Variants in DENND1B observed in about 807,000 individuals in gnomAD.
The protein encoded by DENND1B is DENN domain-containing protein 1B.
DENND1B carries 59 observed loss-of-function variants against 90.1 expected under a neutral mutation model. The ratio of observed to expected loss-of-function variants is 0.65; its 90% CI spans 0.53 to 0.81. DENND1B has a LOEUF of 0.81. Among genes scored for constraint, DENND1B ranks in the 40% least tolerant of loss-of-function variants. The pLI, the probability that DENND1B is intolerant of heterozygous loss-of-function variation, is 0.00. For synonymous variants in DENND1B, 337 were observed against 324.6 expected (o/e 1.04, Z -0.41); for missense variants, 862 against 912.6 (o/e 0.94, Z 0.71).
chr1:197,665,812 A>T (rs984241974), intron 5 of DENND1B, among the ~76,000 whole-genome samples: 2 of 152,108 alleles, frequency 1.3e-5, no homozygotes, highest in Non-Finnish European at 2.9e-5. Flanking sequence ...AAATGAGAAG[A>T]TTTTTATGAA....
intron 3 of DENND1B, among the ~76,000 whole-genome samples, chr1:197,707,827 T>C (rs1264485486): frequency 2.7e-5 from 4 of 147,376 alleles, no homozygotes; most frequent in Non-Finnish European, 6.0e-5. Context: ...CGGGTTCATC[T>C]CACTAGGGAG....
intron 2 of DENND1B, among the ~76,000 whole-genome samples, chr1:197,722,261 G>A (rs1233390794): frequency 1.3e-5 from 2 of 152,004 alleles, no homozygotes; most frequent in Admixed American, 6.5e-5. Flanking sequence ...TGTATTTTCT[G>A]AATGAGAAAG....
chr1:197,558,261 C>A (rs1671873127), intron 15 of DENND1B, among the ~76,000 whole-genome samples: 1 of 151,374 alleles, frequency 6.6e-6, no homozygotes, highest in East Asian at 1.9e-4. Flanking sequence ...AATAACATAA[C>A]TGGAAATCTT....
At chr1:197,707,545 C>G (rs1254451613) in intron 3 of DENND1B, among the ~76,000 whole-genome samples, 1 of 148,328 alleles carries the variant, frequency 6.7e-6, no homozygotes, top group East Asian at 1.9e-4. Flanking sequence ...ATATCTATAT[C>G]ATTATCACCC....
At chr1:197,684,652 G>A (rs1255339685) in intron 3 of DENND1B, among the ~76,000 whole-genome samples, 1 of 151,868 alleles carries the variant, frequency 6.6e-6, no homozygotes, top group Non-Finnish European at 1.5e-5. Context: ...ATTATACCGT[G>A]AGGCCAAAAA....
intron 18 of DENND1B, among the ~76,000 whole-genome samples, chr1:197,543,860 C>T (rs1030037164): frequency 4.8e-4 from 73 of 152,104 alleles, no homozygotes; most frequent in African/African-American, 1.7e-3. Context: ...AATTTTAACT[C>T]AAGGAATAAC....
chr1:197,730,032 G>A (rs939680159), intron 2 of DENND1B, among the ~76,000 whole-genome samples: 2 of 151,634 alleles, frequency 1.3e-5, no homozygotes, highest in South Asian at 2.1e-4. Flanking sequence ...CCAGGGAACC[G>A]CCACAGACCC....
rs1247339227 is a variant in DENND1B, at chr1:197,543,184, C to T, written c.1351-2169G>A. 2.0e-5 allele frequency among the ~76,000 whole-genome samples: 3 copies of T among 152,148 alleles called. No homozygotes were observed. In the East Asian group the frequency reaches 5.8e-4, roughly 29 times the overall value. ...TCCTGACCTCAAGCGATCCACCTGC[C>T]TTGGCTTCCCAGGTGCTGGGATTAC... On this transcript the variant is annotated intron_variant, in intron 18 of 22. Coordinates refer to ENST00000620048, the MANE Select transcript of DENND1B (RefSeq NM_001195215.2).
intron 22 of DENND1B, among the ~76,000 whole-genome samples, chr1:197,511,347 G>T (rs560402809): frequency 3.6e-4 from 54 of 151,672 alleles, no homozygotes; most frequent in Non-Finnish European, 6.9e-4. Context: ...TTTTGGGTAA[G>T]AAAAATGATT....
At chr1:197,729,143 T>C (rs921230736) in intron 2 of DENND1B, among the ~76,000 whole-genome samples, 6 of 152,152 alleles carry the variant, frequency 3.9e-5, no homozygotes, top group African/African-American at 1.4e-4. Flanking sequence ...CCACACAGAC[T>C]ATCCCACTTC....
intron 14 of DENND1B, among the ~76,000 whole-genome samples, chr1:197,594,278 A>G (rs1159648539): frequency 6.6e-6 from 1 of 152,210 alleles, no homozygotes; most frequent in African/African-American, 2.4e-5. Flanking sequence ...CAGTTTAGAA[A>G]AGATACAACC....
intron 6 of DENND1B, among the ~76,000 whole-genome samples, chr1:197,654,604 C>T (rs1278338432): frequency 1.3e-5 from 2 of 149,562 alleles, no homozygotes; most frequent in Admixed American, 6.6e-5. Context: ...AGCGTGACTC[C>T]GTCTCAAAAA....
intron 2 of DENND1B, among the ~76,000 whole-genome samples, chr1:197,721,893 C>T (rs1661216235): frequency 6.6e-6 from 1 of 152,110 alleles, no homozygotes; most frequent in Non-Finnish European, 1.5e-5. Context: ...TTTTGTGACA[C>T]TGGAACCACA....
At chr1:197,681,221 C>T (rs554782970) in intron 3 of DENND1B, among the ~76,000 whole-genome samples, 2 of 152,156 alleles carry the variant, frequency 1.3e-5, no homozygotes, top group East Asian at 3.9e-4. Flanking sequence ...GATATAGATA[C>T]AGATGTATGT....
intron 2 of DENND1B, chr1:197,735,175 A>G: frequency 1.0e-6 from 1 of 999,882 alleles, no homozygotes; most frequent in Non-Finnish European, 1.2e-6. Flanking sequence ...ACAAAAAACA[A>G]TATTGAATGG....
chr1:197,630,699 T>G (rs1679248983), intron 10 of DENND1B, among the ~76,000 whole-genome samples: 1 of 152,128 alleles, frequency 6.6e-6, no homozygotes, highest in Non-Finnish European at 1.5e-5. Flanking sequence ...TTTTTCTTTC[T>G]TGCTTGCTTC....
chr1:197,558,986 A>G (rs1671939731), intron 15 of DENND1B, among the ~76,000 whole-genome samples: 2 of 151,988 alleles, frequency 1.3e-5, no homozygotes, highest in Admixed American at 1.3e-4. Context: ...CAAAAAATAT[A>G]AAGAATATGT....
intron 2 of DENND1B, chr1:197,734,629 T>C: frequency 4.1e-6 from 4 of 983,706 alleles, no homozygotes; most frequent in Non-Finnish European, 4.8e-6. Flanking sequence ...AAAAAAAAAC[T>C]TTGCAAAATA....
intron 5 of DENND1B, among the ~76,000 whole-genome samples, chr1:197,671,071 T>C (rs1052732781): frequency 2.6e-5 from 4 of 152,166 alleles, no homozygotes; most frequent in Admixed American, 6.5e-5. Flanking sequence ...ATGAATGATA[T>C]AACTGTAGCT....
Sources: gnomAD v4.1 joint callset for allele counts (sites outside exome capture counted in the v4.1 genomes callset) on GRCh38, gnomAD v4.1.1 for gene constraint, MANE v1.5 for transcripts, NCBI Gene and HGNC (gene_info 2026-07-23, HGNC 2026-07-21) for gene names.